The following CDH12 variants were observed in gnomAD, a reference collection of about 807,000 sequenced individuals.
The protein encoded by CDH12 is cadherin-12.
CDH12 carries 41 observed loss-of-function variants against 74.1 expected under a neutral mutation model. The ratio of observed to expected loss-of-function variants is 0.55; its 90% confidence interval spans 0.43 to 0.72. CDH12 has a LOEUF of 0.72. CDH12 is among the 30% of genes least tolerant of loss of function. CDH12 has a pLI of 0.00. For missense variants in CDH12, 945 were observed against 977.2 expected (o/e 0.97, Z 0.44); for synonymous variants, 399 against 355.0 (o/e 1.12, Z -1.39).
chr5:21,865,462 T>A (rs1751276965), intron 6 of CDH12, among the ~76,000 whole-genome samples: 1 of 152,116 alleles, frequency 6.6e-6, no homozygotes, highest in Admixed American at 6.6e-5. Context: ...CCTCAAGGCT[T>A]CCTTTGCCAT....
chr5:21,939,683 T>C (rs10061559), intron 6 of CDH12, among the ~76,000 whole-genome samples: 2,367 of 152,218 alleles, frequency 0.016, 61 homozygotes, highest in African/African-American at 0.053. Flanking sequence ...ATATGGATAG[T>C]CATATTTAAA....
At position 22,428,790 on chromosome 5, in the gene CDH12, T is replaced by C. The variant is rs143409403; in HGVS notation, c.-427-23439A>G. Among the ~76,000 whole-genome samples, 470 of 152,224 alleles carry C rather than the reference T, an allele frequency of 3.1e-3. 1 individual carries two copies. Among genetic ancestry groups the C allele is most frequent in the Middle Eastern group, 0.01 (3 of 294 alleles). The stretch of plus-strand genomic sequence containing the variant: ...CCTTGAGTGTATAGCAGGTTGCTTC[T>C]CTCTTCTAGCATATCCACACACCAG... On this transcript the variant is annotated intron_variant, in intron 2 of 14. Transcript: ENST00000382254.
At chr5:22,221,401 A>G (rs1012743591) in intron 3 of CDH12, among the ~76,000 whole-genome samples, 4 of 151,958 alleles carry the variant, frequency 2.6e-5, no homozygotes, top group Middle Eastern at 3.4e-3. Context: ...ATATTATTCT[A>G]TCTGTAAATG....
At chr5:22,620,514 G>T (rs1370377880) in intron 1 of CDH12, among the ~76,000 whole-genome samples, 1 of 151,628 alleles carries the variant, frequency 6.6e-6, no homozygotes, top group African/African-American at 2.4e-5. Context: ...CTGACCAATT[G>T]TTTGAGCAAA....
At chr5:22,455,949 T>G (rs1185954084) in intron 2 of CDH12, among the ~76,000 whole-genome samples, 2 of 152,158 alleles carry the variant, frequency 1.3e-5, no homozygotes, top group Non-Finnish European at 2.9e-5. Flanking sequence ...GTTCAACATC[T>G]GGCTCTCTGA....
rs150785494 is a variant in CDH12, at chr5:21,877,940, G to T, written c.527-23150C>A. On this transcript the variant is annotated intron_variant, in intron 6 of 14. Transcript: ENST00000382254. ...AAAATAAAGTCTAGAACTTATTATAGCAGTTCACATTATCTGAAGGCAAGT... is the reference window on the plus strand; with the variant it reads ...AAAATAAAGTCTAGAACTTATTATATCAGTTCACATTATCTGAAGGCAAGT... 4.6e-3 allele frequency among the ~76,000 whole-genome samples: 708 copies of T among 152,282 alleles called. 9 individuals carry two copies. The South Asian group carries it at 0.049, about 11-fold the overall frequency.
intron 3 of CDH12, among the ~76,000 whole-genome samples, chr5:22,397,643 A>T (rs1742514121): frequency 6.6e-6 from 1 of 152,146 alleles, no homozygotes; most frequent in Non-Finnish European, 1.5e-5. Flanking sequence ...CAAATCAGGC[A>T]CTGGTAAAGT....
chr5:22,710,835 T>C (rs1743248739), intron 1 of CDH12, among the ~76,000 whole-genome samples: 1 of 152,120 alleles, frequency 6.6e-6, no homozygotes, highest in Non-Finnish European at 1.5e-5. Flanking sequence ...AATTATCTGC[T>C]CCTGACGTCA....
At chr5:22,321,711 T>C (rs1413337226) in intron 3 of CDH12, among the ~76,000 whole-genome samples, 2 of 152,206 alleles carry the variant, frequency 1.3e-5, no homozygotes, top group African/African-American at 4.8e-5. Context: ...TAAGTAGCTT[T>C]TTTTAGACTA....
chr5:22,241,466 T>C (rs1431935344), intron 3 of CDH12, among the ~76,000 whole-genome samples: 2 of 152,042 alleles, frequency 1.3e-5, no homozygotes, highest in Admixed American at 6.5e-5. Context: ...GTTTTTTTAT[T>C]CTTGAATTAG....
intron 6 of CDH12, among the ~76,000 whole-genome samples, chr5:21,855,056 A>G (rs543158918): frequency 1.3e-4 from 19 of 151,826 alleles, no homozygotes; most frequent in African/African-American, 3.9e-4. Context: ...TCATCATGAT[A>G]CCTTTATTGA....
chr5:22,370,462 T>C (rs1741234436), intron 3 of CDH12, among the ~76,000 whole-genome samples: 1 of 152,176 alleles, frequency 6.6e-6, no homozygotes, highest in South Asian at 2.1e-4. Flanking sequence ...TGTGAATAAA[T>C]TATTTAAATC....
intron 3 of CDH12, among the ~76,000 whole-genome samples, chr5:22,289,282 A>T (rs920090382): frequency 8.5e-5 from 13 of 152,166 alleles, no homozygotes; most frequent in African/African-American, 3.1e-4. Context: ...ATAGAAAAAA[A>T]TTCCAAAAAA....
chr5:22,772,907 GC>G (rs1561020557), intron 1 of CDH12, among the ~76,000 whole-genome samples: 3 of 151,838 alleles, frequency 2.0e-5, no homozygotes, highest in Non-Finnish European at 4.4e-5. Context: ...ATATACAATA[GC>G]TACAAAAAAA....
intron 2 of CDH12, among the ~76,000 whole-genome samples, chr5:22,491,129 C>T (rs951044986): frequency 5.3e-5 from 8 of 152,144 alleles, no homozygotes; most frequent in Non-Finnish European, 1.2e-4. Flanking sequence ...GTTTTTAATG[C>T]TTCCTCCCCT....
At chr5:22,266,196 C>T (rs2150397161) in intron 3 of CDH12, among the ~76,000 whole-genome samples, 1 of 152,134 alleles carries the variant, frequency 6.6e-6, no homozygotes, top group Non-Finnish European at 1.5e-5. Context: ...CTGCCTCAGC[C>T]TCCCAAGTAG....
intron 6 of CDH12, among the ~76,000 whole-genome samples, chr5:21,874,759 C>T (rs146804300): frequency 4.7e-4 from 71 of 152,262 alleles, no homozygotes; most frequent in African/African-American, 1.5e-3. Flanking sequence ...GAAGGGTGTC[C>T]GCCGCACTTC....
At chr5:22,628,985 T>C (rs987420599) in intron 1 of CDH12, among the ~76,000 whole-genome samples, 2 of 150,796 alleles carry the variant, frequency 1.3e-5, no homozygotes, top group Admixed American at 6.6e-5. Flanking sequence ...TCTATGCACA[T>C]AAACTAGAAA....
intron 3 of CDH12, among the ~76,000 whole-genome samples, chr5:22,294,661 C>A (rs1737545736): frequency 6.6e-6 from 1 of 152,014 alleles, no homozygotes; most frequent in South Asian, 2.1e-4. Flanking sequence ...GAAGATTAGG[C>A]AAGTAAATTG....
Sources: gnomAD v4.1 joint callset for allele counts (sites outside exome capture counted in the v4.1 genomes callset) on GRCh38, gnomAD v4.1.1 for gene constraint, MANE v1.5 for transcripts, NCBI Gene and HGNC (gene_info 2026-07-23, HGNC 2026-07-21) for gene names.